The following ABCA5 variants were observed in gnomAD, a reference collection of about 807,000 sequenced individuals.
ABCA5 encodes the protein ATP binding cassette subfamily A member 5.
Under a neutral mutation model 206.0 loss-of-function variants are expected in ABCA5, and 163 were observed. The observed-to-expected ratio is 0.79, with a 90% CI of 0.70 to 0.90. The LOEUF is 0.90. Among genes scored for constraint, ABCA5 ranks in the 40% least tolerant of loss-of-function variants. The pLI is 0.00. For synonymous variants in ABCA5, 609 were observed against 613.8 expected, an observed-to-expected ratio of 0.99 and a Z score of 0.11; for missense variants, 1,859 against 1,912.9, an observed-to-expected ratio of 0.97 and a Z score of 0.53.
Position 69,311,978 on chromosome 17 carries a change from G to A in ABCA5, c.307+1114C>T, listed in dbSNP as rs371570791. On this transcript the variant is annotated intron_variant, in intron 3 of 38. Coordinates refer to ENST00000392676, the MANE Select transcript of ABCA5 (RefSeq NM_172232.4). ...TTAATCAAAATATTAAATAGAAATA[G>A]CCAGAGAAAGAAACCAATGGAATAA... Among the ~76,000 whole-genome samples, 14 of 152,176 alleles carry A rather than the reference G, an allele frequency of 9.2e-5. No homozygotes were observed. In the East Asian group the frequency reaches 1.9e-3, roughly 21 times the overall value.
chr17:69,256,464 T>G (rs2075082953), intron 28 of ABCA5, among the ~76,000 whole-genome samples, 181 bp from the exon 29 acceptor site: 1 of 151,086 alleles, frequency 6.6e-6, no homozygotes, highest in Non-Finnish European at 1.5e-5. Flanking sequence ...TTCTTTTTTT[T>G]TTTTTTTAAG....
intron 18 of ABCA5, 104 bp downstream of exon 18, chr17:69,283,849 C>A: frequency 8.5e-7 from 1 of 1,178,172 alleles, no homozygotes; most frequent in Non-Finnish European, 1.1e-6. Context: ...CTTATTTCTA[C>A]CCTTTATTCT....
chr17:69,318,906 GAATGGTGGTAATGCGATGT>G, intron 1 of ABCA5: 1 of 687,560 alleles, frequency 1.5e-6, no homozygotes, highest in Admixed American at 1.8e-5. Context: ...AACAATATTG[GAATGGTGGTAATGCGATGT>G]AATGGCATCA....
At chr17:69,251,401 C>T (rs2075011688) in intron 35 of ABCA5, 1 of 190,884 alleles carries the variant, frequency 5.2e-6, no homozygotes, top group African/African-American at 2.4e-5. Flanking sequence ...TTCTCTGACA[C>T]ATTTCTTTAC....
In ABCA5 at chr17:69,246,283, C is replaced by T. The variant is rs1056414266; in HGVS notation, c.*1254G>A. 6.6e-6 allele frequency: 1 copy of T among 151,870 alleles called. No homozygotes were observed. Among genetic ancestry groups the T allele is most frequent in the Non-Finnish European group, 1.5e-5 (1 of 67,796 alleles). 9.4% of individuals were successfully genotyped at this position (151,870 alleles called of 1,614,324 possible). ...CTTCTGTCATTGCTGTTGTTGTTGTCTAATACAATAATCACACTCTCAATA... is the reference window on the plus strand; with the variant it reads ...CTTCTGTCATTGCTGTTGTTGTTGTTTAATACAATAATCACACTCTCAATA... On this transcript the variant is annotated 3_prime_UTR_variant, in exon 39 of 39. Transcript: ENST00000392676.
At chr17:69,311,494 G>GC (rs1349867904) in intron 3 of ABCA5, among the ~76,000 whole-genome samples, 1 of 151,632 alleles carries the variant, frequency 6.6e-6, no homozygotes, top group African/African-American at 2.4e-5. Flanking sequence ...TTTTTGTTTT[G>GC]TTTTTTGTTT....
chr17:69,290,929 TAA>T (rs1404736055), intron 12 of ABCA5, among the ~76,000 whole-genome samples: 1 of 152,130 alleles, frequency 6.6e-6, no homozygotes, highest in African/African-American at 2.4e-5. Context: ...TAATTTCCAA[TAA>T]GTTACTCATT....
At chr17:69,297,413 A>G in intron 9 of ABCA5, 54 bp from the exon 10 acceptor site, 1 of 1,502,416 alleles carries the variant, frequency 6.7e-7, no homozygotes, top group South Asian at 1.3e-5. Context: ...TTAAATCATA[A>G]AGACAGCATT....
At chr17:69,314,654 C>T in intron 1 of ABCA5, 1 of 403,988 alleles carries the variant, frequency 2.5e-6, no homozygotes, top group Non-Finnish European at 4.4e-6. Flanking sequence ...ATTTGAAATA[C>T]CACCATATCA....
chr17:69,270,573 A>G lies in ABCA5; in HGVS notation c.3030+40T>C, dbSNP rs773334548. The G allele has an allele frequency of 4.6e-6, 7 of 1,516,620 alleles. No homozygotes were observed. In the East Asian group the frequency reaches 1.4e-4, roughly 31 times the overall value. 93.9% of individuals were successfully genotyped at this position (1,516,620 alleles called of 1,614,324 possible). A position where few individuals can be genotyped will look rare whatever the true frequency, so the allele number is the denominator to read the frequency against. ...GTTTTTAATGGTTATTATATATATG[A>G]CATGCATATGGAAATTTATCTGTAT... On this transcript the variant is annotated intron_variant, in intron 22 of 38. Transcript: ENST00000392676.
At chr17:69,261,031 C>T in intron 26 of ABCA5, 94 bp downstream of exon 26, 1 of 1,036,612 alleles carries the variant, frequency 9.6e-7, no homozygotes, top group Admixed American at 2.9e-5. Flanking sequence ...TAGCCCAATG[C>T]ATTTTACTGT....
At chr17:69,303,829 T>TATATATATACATAC (rs2075684445) in intron 7 of ABCA5, among the ~76,000 whole-genome samples, 1 of 14,586 alleles carries the variant, frequency 6.9e-5, no homozygotes, top group African/African-American at 1.5e-4. Context: ...TATATATGTA[T>TATATATATACATAC]ATATATATAT....
chr17:69,315,714 C>T lies in ABCA5; in HGVS notation c.-15-1284G>A, dbSNP rs138960959. ...AGGAGATCTGCTTGAACCCGGGAGGCGGAGGTTGCAGTGAGCCAAGATTGC... is the reference window on the plus strand; with the variant it reads ...AGGAGATCTGCTTGAACCCGGGAGGTGGAGGTTGCAGTGAGCCAAGATTGC... On this transcript the variant is annotated intron_variant, in intron 1 of 38. Coordinates refer to ENST00000392676, the MANE Select transcript of ABCA5 (RefSeq NM_172232.4). Among the ~76,000 whole-genome samples, 337 of 146,504 alleles carry T rather than the reference C, an allele frequency of 2.3e-3. 1 individual carries two copies. Among genetic ancestry groups the T allele is most frequent in the African/African-American group, 7.9e-3 (319 of 40,184 alleles).
At chr17:69,301,472 G>C (rs1175914613) in intron 8 of ABCA5, among the ~76,000 whole-genome samples, 186 bp from the exon 9 acceptor site, 1 of 152,058 alleles carries the variant, frequency 6.6e-6, no homozygotes, top group East Asian at 1.9e-4. Context: ...TTACAAAAAT[G>C]TAAGTTTATC....
chr17:69,279,015 A>G (rs2075362504), intron 18 of ABCA5, among the ~76,000 whole-genome samples: 1 of 151,196 alleles, frequency 6.6e-6, no homozygotes, highest in Non-Finnish European at 1.5e-5. Context: ...TATTCAACAT[A>G]GTGTTGGAAG....
chr17:69,286,172 G>A (rs770167568), intron 16 of ABCA5, 49 bp downstream of exon 16: 10 of 1,560,844 alleles, frequency 6.4e-6, no homozygotes, highest in South Asian at 3.5e-5. Flanking sequence ...CATAATAACA[G>A]TATAGCAAGA....
At position 69,278,340 on chromosome 17, in the gene ABCA5, T is replaced by C. The variant is rs533667019; in HGVS notation, c.2393-498A>G. Among the ~76,000 whole-genome samples, 9 of 152,322 alleles carry C rather than the reference T, an allele frequency of 5.9e-5. No homozygotes were observed. In the East Asian group the frequency reaches 1.7e-3, roughly 29 times the overall value. ...TAATATCCAACTTTTATGTGAACTT[T>C]TCCTCTCTGACCACAACTTAGCATC... On this transcript the variant is annotated intron_variant, in intron 18 of 38. Transcript: ENST00000392676.
At chr17:69,313,713 T>C (rs1598207077) in intron 2 of ABCA5, among the ~76,000 whole-genome samples, 1 of 152,192 alleles carries the variant, frequency 6.6e-6, no homozygotes, top group South Asian at 2.1e-4. Flanking sequence ...ACTTTAATTA[T>C]ACCTAAATGT....
chr17:69,298,350 A>AAGGAAG (rs1228360629), intron 9 of ABCA5, among the ~76,000 whole-genome samples: 4,535 of 103,910 alleles, frequency 0.044, 466 homozygotes, highest in Non-Finnish European at 0.049. Flanking sequence ...AAGGAAGGAA[A>AAGGAAG]GAAGGAAAGA....
Sources: allele counts gnomAD v4.1 joint callset (sites outside exome capture counted in the v4.1 genomes callset), GRCh38; gene constraint gnomAD v4.1.1; transcripts MANE v1.5; gene names NCBI Gene and HGNC (gene_info 2026-07-23, HGNC 2026-07-21).